Variants in RBFOX1 observed in about 807,000 individuals in gnomAD.
The protein encoded by RBFOX1 is RNA binding fox-1 homolog 1.
A neutral mutation model predicts 57.7 loss-of-function variants in RBFOX1; 8 were observed. That is an observed-to-expected ratio of 0.14 (90% CI 0.08 to 0.25). The LOEUF (loss-of-function observed/expected upper bound fraction) is 0.25, where lower values mean the gene tolerates loss of function less well. RBFOX1 is among the 10% of genes least tolerant of loss of function. RBFOX1 has a pLI of 1.00. For synonymous variants in RBFOX1, 326 were observed against 222.4 expected, an observed-to-expected ratio of 1.47 and a Z score of -4.15; for missense variants, 611 against 548.5, an observed-to-expected ratio of 1.11 and a Z score of -1.14.
intron 1 of RBFOX1, among the ~76,000 whole-genome samples, chr16:6,085,650 T>TTGTGTGTGTG (rs71142678): frequency 0.39 from 58,637 of 150,440 alleles, 12,530 homozygotes; most frequent in Non-Finnish European, 0.51. Flanking sequence ...CAGTGTGTGT[T>TTGTGTGTGTG]TGTGTGTGTG....
At chr16:6,667,108 G>C (rs555802367) in intron 3 of RBFOX1, among the ~76,000 whole-genome samples, 58 of 152,240 alleles carry the variant, frequency 3.8e-4, no homozygotes, top group Non-Finnish European at 7.8e-4. Context: ...TGAGGGTGGT[G>C]GTGGGTTGGG....
intron 4 of RBFOX1, among the ~76,000 whole-genome samples, chr16:5,877,383 C>T (rs762203823): frequency 1.5e-3 from 227 of 152,342 alleles, no homozygotes; most frequent in Non-Finnish European, 2.3e-3. Flanking sequence ...GATGAACAGA[C>T]GCTTTTAGCT....
rs181803151 is a variant in RBFOX1 at position 7,708,975 on chromosome 16, C to G, written c.996-81C>G. On this transcript the variant is annotated intron_variant, in intron 14 of 15. Transcript: ENST00000550418. ...GATGAGTAGGGCCCCTGCATACTGT[C>G]TTGGTATTTTGGATTTTATGATTGT... 126 of 1,345,892 alleles carry G rather than the reference C, an allele frequency of 9.4e-5. No individual in the cohort carries two copies. In the South Asian group the frequency reaches 1.4e-3, roughly 15 times the overall value. The allele number at this position is 1,345,892 out of a possible 1,614,324, so 83.4% of individuals were successfully genotyped here. A position where few individuals can be genotyped will look rare whatever the true frequency, so the allele number is the denominator to read the frequency against.
rs985058673 is a variant in RBFOX1, at chr16:7,123,969, C to T, written c.27+71871C>T. 3.9e-5 allele frequency among the ~76,000 whole-genome samples: 6 copies of T among 152,256 alleles called. No individual in the cohort carries two copies. In the East Asian group the frequency reaches 7.7e-4, roughly 20 times the overall value. On this transcript the variant is annotated intron_variant, in intron 4 of 15. Transcript: ENST00000550418. ...TATTAATGCTACATCAGTGACTATT[C>T]TTCTACATAGGTCTTTGTGCATATG...
intron 4 of RBFOX1, among the ~76,000 whole-genome samples, chr16:5,868,282 G>A (rs1037375071): frequency 6.6e-6 from 1 of 152,214 alleles, no homozygotes; most frequent in Non-Finnish European, 1.5e-5. Flanking sequence ...GACGTCCAGT[G>A]TTGCATTATT....
chr16:7,175,485 G>A (rs60149666), intron 4 of RBFOX1, among the ~76,000 whole-genome samples: 2,757 of 152,268 alleles, frequency 0.018, 83 homozygotes, highest in African/African-American at 0.062. Context: ...ACAGGGAGCT[G>A]AGACTTTCGC....
intron 1 of RBFOX1, among the ~76,000 whole-genome samples, chr16:5,402,532 T>C (rs537772459): frequency 3.1e-4 from 47 of 152,360 alleles, no homozygotes; most frequent in Non-Finnish European, 1.8e-4. Context: ...CCTTTTGTTA[T>C]AACACATTTT....
intron 8 of RBFOX1, 112 bp from the exon 9 acceptor site, chr16:7,597,259 T>C: frequency 1.4e-6 from 1 of 698,974 alleles, no homozygotes; most frequent in Non-Finnish European, 2.3e-6. Flanking sequence ...AAAATGCATT[T>C]TACTTTTTAG....
intron 3 of RBFOX1, among the ~76,000 whole-genome samples, chr16:5,803,975 C>A (rs376895258): frequency 6.6e-6 from 1 of 152,186 alleles, no homozygotes; most frequent in South Asian, 2.1e-4. Context: ...CAAACTCCTA[C>A]TTACCCTTCC....
At chr16:5,736,302 C>T (rs2052569297) in intron 3 of RBFOX1, among the ~76,000 whole-genome samples, 1 of 152,148 alleles carries the variant, frequency 6.6e-6, no homozygotes, top group Admixed American at 6.5e-5. Context: ...TCTGAGCTGC[C>T]TCCTTTGTGT....
chr16:6,657,050 C>G (rs147818092), intron 3 of RBFOX1, among the ~76,000 whole-genome samples: 11,300 of 63,422 alleles, frequency 0.18, 591 homozygotes, highest in Non-Finnish European at 0.24. Flanking sequence ...TTCCTCTCCT[C>G]TCCTCCCCTT....
rs181421995 is a variant in RBFOX1 at position 7,486,776 on chromosome 16, G to A, written c.28-31371G>A. 3.3e-5 allele frequency among the ~76,000 whole-genome samples: 5 copies of A among 152,312 alleles called. No homozygotes were observed. The East Asian group carries it at 9.7e-4, about 30-fold the overall frequency. On this transcript the variant is annotated intron_variant, in intron 4 of 15. Transcript: ENST00000550418. The stretch of plus-strand genomic sequence containing the variant: ...ACAGAGATCCAGGCCGTTACTAGGA[G>A]ACAAGCTATGCAATAGTCAGGGTTC...
intron 4 of RBFOX1, among the ~76,000 whole-genome samples, chr16:7,485,754 C>G (rs1256493198): frequency 6.6e-6 from 1 of 152,190 alleles, no homozygotes; most frequent in Non-Finnish European, 1.5e-5. Context: ...TATTTCCCAA[C>G]TCTCTCATGT....
chr16:5,801,533 A>C (rs1334998496), intron 3 of RBFOX1, among the ~76,000 whole-genome samples: 1 of 152,160 alleles, frequency 6.6e-6, no homozygotes, highest in East Asian at 1.9e-4. Context: ...GTCTCGACAC[A>C]GGCGCGGGAG....
intron 4 of RBFOX1, among the ~76,000 whole-genome samples, chr16:7,495,615 C>G (rs1454366291): frequency 6.6e-6 from 1 of 152,172 alleles, no homozygotes; most frequent in African/African-American, 2.4e-5. Flanking sequence ...GTGTTTATAT[C>G]TTCTTTTGAG....
chr16:5,360,631 T>C (rs1253999963), intron 1 of RBFOX1, among the ~76,000 whole-genome samples: 4 of 152,186 alleles, frequency 2.6e-5, no homozygotes, highest in Non-Finnish European at 4.4e-5. Flanking sequence ...GAGTCTTTGG[T>C]TGCAAGCAGC....
intron 3 of RBFOX1, among the ~76,000 whole-genome samples, chr16:6,663,951 G>T (rs76615715): frequency 6.6e-6 from 1 of 152,178 alleles, no homozygotes; most frequent in East Asian, 1.9e-4. Context: ...CTCAAAGCAG[G>T]CAAAGGCTAA....
chr16:5,891,813 G>C (rs1017153891), intron 4 of RBFOX1, among the ~76,000 whole-genome samples: 1 of 152,182 alleles, frequency 6.6e-6, no homozygotes, highest in African/African-American at 2.4e-5. Context: ...GTGGTCAGCT[G>C]TTTCTCTGAC....
At chr16:6,902,066 C>T (rs2068630886) in intron 3 of RBFOX1, among the ~76,000 whole-genome samples, 1 of 152,114 alleles carries the variant, frequency 6.6e-6, no homozygotes, top group Non-Finnish European at 1.5e-5. Flanking sequence ...TATAAAGTTG[C>T]ATACTTGATG....
Sources: allele counts gnomAD v4.1 joint callset (sites outside exome capture counted in the v4.1 genomes callset), GRCh38; gene constraint gnomAD v4.1.1; transcripts MANE v1.5; gene names NCBI Gene and HGNC (gene_info 2026-07-23, HGNC 2026-07-21).